Variants in LAMA3 observed in about 807,000 individuals in gnomAD.
LAMA3 encodes the protein laminin subunit alpha 3, also known as laminin subunit alpha-3.
Under a neutral mutation model 402.0 loss-of-function variants are expected in LAMA3, and 281 were observed. The observed-to-expected ratio is 0.70, with a 90% CI of 0.63 to 0.77. The LOEUF (loss-of-function observed/expected upper bound fraction) is 0.77. Ranked by LOEUF, LAMA3 falls within the 30% of genes least tolerant of loss-of-function variation. The pLI, the probability that LAMA3 is intolerant of heterozygous loss-of-function variation, is 0.00. For synonymous variants in LAMA3, 1,431 were observed against 1,558.4 expected (o/e 0.92, Z 1.93); for missense variants, 3,840 against 4,215.5 (o/e 0.91, Z 2.47).
At position 23,700,913 on chromosome 18, in the gene LAMA3, G is replaced by C. The variant is rs1314604505; in HGVS notation, c.294+10936G>C. Among the ~76,000 whole-genome samples, 9 of 152,054 alleles carry C rather than the reference G, an allele frequency of 5.9e-5. No individual in the cohort carries two copies. The South Asian group carries it at 1.9e-3, about 32-fold the overall frequency. On this transcript the variant is annotated intron_variant, in intron 1 of 74. Coordinates refer to ENST00000313654, the MANE Select transcript of LAMA3 (RefSeq NM_198129.4). ...GTGTTTCGCCATGTTGCCCAGGCTGGTCTCAAACTCCTGGGCTCAATCTAT... is the reference window on the plus strand; with the variant it reads ...GTGTTTCGCCATGTTGCCCAGGCTGCTCTCAAACTCCTGGGCTCAATCTAT...
chr18:23,932,077 G>C (rs937909420), intron 65 of LAMA3, 83 bp from the exon 66 acceptor site: 1 of 1,499,650 alleles, frequency 6.7e-7, no homozygotes. Context: ...TTGAATCTGA[G>C]TCTTAGACAG....
chr18:23,923,819 C>T (rs991907453), intron 62 of LAMA3, among the ~76,000 whole-genome samples: 34 of 152,228 alleles, frequency 2.2e-4, no homozygotes, highest in African/African-American at 8.2e-4. Context: ...TAACACAAGG[C>T]CCCTAGACAG....
chr18:23,851,204 A>C (rs576513876), intron 32 of LAMA3, among the ~76,000 whole-genome samples: 1 of 152,286 alleles, frequency 6.6e-6, no homozygotes, highest in East Asian at 1.9e-4. Context: ...AGGCGCTGGG[A>C]TGTGCTGTTG....
intron 68 of LAMA3, among the ~76,000 whole-genome samples, chr18:23,942,481 G>A (rs1255597328): frequency 6.6e-6 from 1 of 152,180 alleles, no homozygotes; most frequent in Non-Finnish European, 1.5e-5. Context: ...TGGGTGGATG[G>A]ATGGATGAGT....
intron 65 of LAMA3, 181 bp downstream of exon 65, chr18:23,931,382 C>T (rs1568359597): frequency 1.6e-6 from 1 of 615,376 alleles, no homozygotes; most frequent in East Asian, 2.9e-5. Context: ...AACTGCCACA[C>T]ATGGTGGCTC....
intron 1 of LAMA3, among the ~76,000 whole-genome samples, chr18:23,694,571 C>T (rs946263175): frequency 5.9e-5 from 9 of 152,190 alleles, no homozygotes; most frequent in South Asian, 4.1e-4. Flanking sequence ...GAAACTGAAG[C>T]GCACAGAAGT....
At chr18:23,695,319 G>C (rs2060663931) in intron 1 of LAMA3, among the ~76,000 whole-genome samples, 1 of 152,178 alleles carries the variant, frequency 6.6e-6, no homozygotes, top group African/African-American at 2.4e-5. Flanking sequence ...CTTCAACTCA[G>C]TTAACCAGCA....
intron 33 of LAMA3, among the ~76,000 whole-genome samples, 162 bp from the exon 34 acceptor site, chr18:23,858,527 A>G (rs903978548): frequency 2.6e-5 from 4 of 152,218 alleles, no homozygotes; most frequent in African/African-American, 9.6e-5. Flanking sequence ...AGTTTAAACA[A>G]TTAACATGGG....
At chr18:23,907,401 G>C (rs1399820830) in intron 52 of LAMA3, 149 bp from the exon 53 acceptor site, 2 of 728,068 alleles carry the variant, frequency 2.7e-6, no homozygotes, top group Non-Finnish European at 5.0e-6. Flanking sequence ...TGTGGGTCTG[G>C]GCACATGCAG....
In LAMA3 at chr18:23,871,455, C is replaced by T. The variant is rs769252740; in HGVS notation, c.4792C>T (p.Arg1598Cys). ...VEGNFRHASSRAPVSREELMT... is the reference protein window; with the variant it reads ...VEGNFRHASSCAPVSREELMT... ...GGGAAACTTCAGACATGCCAGCAGC[C>T]GTGCCCCAGTGTCTAGGGAGGAGCT... The change falls in exon 38 of 75, where the codon CGT becomes TGT. Residue 1598 changes from arginine to cysteine, a missense_variant. Arg to Cys is a radical substitution (Grantham distance 180, BLOSUM62 -3). This residue lies in a region of LAMA3 where 2,109 missense variants were observed against 2,376.0 expected (regional missense o/e 0.89). Coordinates refer to ENST00000313654, the MANE Select transcript of LAMA3 (RefSeq NM_198129.4). 13 of 1,613,814 alleles carry T rather than the reference C, an allele frequency of 8.1e-6. No individual in the cohort carries two copies. Among genetic ancestry groups the T allele is most frequent in the African/African-American group, 2.7e-5 (2 of 74,850 alleles).
chr18:23,760,894 C>T (rs759821769), intron 7 of LAMA3, among the ~76,000 whole-genome samples: 4 of 152,060 alleles, frequency 2.6e-5, no homozygotes, highest in Non-Finnish European at 4.4e-5. Context: ...CGTGGTGGAA[C>T]GGGCAAGGAA....
chr18:23,773,569 GC>G lies in LAMA3; in HGVS notation c.1259del (p.Pro420LeufsTer49). On this transcript the variant is annotated frameshift_variant, in exon 9 of 75. Transcript: ENST00000313654. LOFTEE classifies it high-confidence loss of function. The part of the protein sequence containing the change: ...YYRPYGVPVD[A>X]PDGCIPCSCD... ...CCGCCCTTATGGGGTTCCAGTGGAT[GC>G]CCCTGATGGCTGCATCCGTAAGTTT... The G allele has an allele frequency of 1.3e-6, 2 of 1,586,346 alleles. No individual in the cohort carries two copies. The highest frequency in any genetic ancestry group is 1.7e-6 in the Non-Finnish European group (2 of 1,162,320).
intron 69 of LAMA3, among the ~76,000 whole-genome samples, chr18:23,944,662 C>T (rs1368628275): frequency 1.3e-5 from 2 of 152,060 alleles, no homozygotes; most frequent in African/African-American, 2.4e-5. Context: ...GAGGGGGTTC[C>T]AGGAAGAGGG....
In LAMA3 at chr18:23,946,284, G is replaced by A. The variant is rs750191916; in HGVS notation, c.9351G>A (p.Lys3117=). ...GATCACCTCCATCAGGGAAACCAAA[G>A]GTAAATAGTTATGTTCAGAGCCATG... ...YLGSPPSGKP[K]SLPTNSFVGC... is the part of the protein sequence containing the mutation. Residue 3117 remains lysine, a splice_region_variant and synonymous_variant, in exon 70 of 75, where the codon AAG becomes AAA. Transcript: ENST00000313654. 1.2e-6 allele frequency: 2 copies of A among 1,613,928 alleles called. No homozygotes were observed. The highest frequency in any genetic ancestry group is 8.5e-7 in the Non-Finnish European group (1 of 1,179,916).
intron 44 of LAMA3, among the ~76,000 whole-genome samples, chr18:23,897,744 A>T (rs1368762661): frequency 6.6e-6 from 1 of 152,258 alleles, no homozygotes; most frequent in Non-Finnish European, 1.5e-5. Flanking sequence ...AAATAGAACT[A>T]TCTTCTTGCT....
Position 23,858,003 on chromosome 18 carries a change from G to A in LAMA3, c.4281+15G>A. 1 of 1,614,136 alleles carries A rather than the reference G, an allele frequency of 6.2e-7. No homozygotes were observed. The highest frequency in any genetic ancestry group is 8.5e-7 in the Non-Finnish European group (1 of 1,180,018). On this transcript the variant is annotated intron_variant, in intron 33 of 74. Transcript: ENST00000313654. ...GCCTCTGCAAGGTAAGAGAGATCGT[G>A]CAATGCCAGACAACAGCTGCCGGTC...
intron 62 of LAMA3, among the ~76,000 whole-genome samples, chr18:23,921,836 C>T (rs1191070867): frequency 6.6e-6 from 1 of 152,116 alleles, no homozygotes; most frequent in Non-Finnish European, 1.5e-5. Context: ...GGAGGGACCA[C>T]GAAGGGTATA....
chr18:23,780,383 T>A (rs1468690533), intron 11 of LAMA3, among the ~76,000 whole-genome samples: 1 of 151,334 alleles, frequency 6.6e-6, no homozygotes. Flanking sequence ...GAGACAGAAG[T>A]GCTGGAAGGG....
chr18:23,898,916 G>A (rs781055806), intron 45 of LAMA3, 38 bp from the exon 46 acceptor site: 2 of 1,585,690 alleles, frequency 1.3e-6, no homozygotes, highest in South Asian at 1.1e-5. Flanking sequence ...TTTCCTTATT[G>A]ACTTAATTTG....
Sources: gnomAD v4.1 joint callset for allele counts (sites outside exome capture counted in the v4.1 genomes callset) on GRCh38, gnomAD v4.1.1 for gene constraint, gnomAD v4.1.1 regional missense constraint, MANE v1.5 for transcripts, NCBI Gene and HGNC (gene_info 2026-07-23, HGNC 2026-07-21) for gene names.